Variants in DHX38 observed in about 807,000 individuals in gnomAD.
The protein encoded by DHX38 is DEAH-box helicase 38, also known as pre-mRNA-splicing factor ATP-dependent RNA helicase PRP16.
DHX38 carries 100 observed loss-of-function variants against 153.1 expected under a neutral mutation model. The ratio of observed to expected loss-of-function variants is 0.65; its 90% CI spans 0.56 to 0.77. DHX38 has a LOEUF of 0.77. Ranked by LOEUF, DHX38 falls within the 30% of genes least tolerant of loss-of-function variation. The pLI, the probability that DHX38 is intolerant of heterozygous loss-of-function variation, is 0.00. For synonymous variants in DHX38, 650 were observed against 631.7 expected, an observed-to-expected ratio of 1.03 and a Z score of -0.43; for missense variants, 1,440 against 1,654.0, an observed-to-expected ratio of 0.87 and a Z score of 2.24.
rs2042155620 is a variant in DHX38 at position 72,105,094 on chromosome 16, CT to C, written c.2220del (p.Gly741GlufsTer15). On this transcript the variant is annotated frameshift_variant, in exon 16 of 27. Coordinates refer to ENST00000268482, the MANE Select transcript of DHX38 (RefSeq NM_014003.4). LOFTEE classifies it high-confidence loss of function. ...TTGCAGGTGCACCTGTCGGGGGCCC[CT>C]GGAGACATCCTTATCTTCATGCCTG... Reference protein sequence around the residue: ...QSLQVHLSGAPGDILIFMPGQ... With the variant: ...QSLQVHLSGAXGDILIFMPGQ... 3 of 1,614,214 alleles carry C rather than the reference CT, an allele frequency of 1.9e-6. No individual in the cohort carries two copies. In the East Asian group the frequency reaches 6.7e-5, roughly 36 times the overall value.
chr16:72,110,861 C>A (rs938970585), intron 25 of DHX38, 95 bp from the exon 26 acceptor site: 3 of 1,466,250 alleles, frequency 2.0e-6, no homozygotes, highest in Non-Finnish European at 2.7e-6. Context: ...CTGGTGGATG[C>A]AGCACCTGGT....
In DHX38 at chr16:72,103,766, TG is replaced by T; in HGVS notation, c.1808del (p.Gly603GlufsTer22). ...GTGGCCAAGAGAGTCAGTGAAGAGATGGGGGGAAACCTTGGCGAGGAGGTGA... is the reference window on the plus strand; with the variant it reads ...GTGGCCAAGAGAGTCAGTGAAGAGATGGGGGAAACCTTGGCGAGGAGGTGA... Reference protein sequence around the residue: ...MSVAKRVSEEMGGNLGEEVGY... With the variant: ...MSVAKRVSEEXGGNLGEEVGY... On this transcript the variant is annotated frameshift_variant, in exon 13 of 27. Coordinates refer to ENST00000268482, the MANE Select transcript of DHX38 (RefSeq NM_014003.4). LOFTEE classifies it high-confidence loss of function. 3.7e-6 allele frequency: 6 copies of T among 1,612,376 alleles called. No individual in the cohort carries two copies. Among genetic ancestry groups the T allele is most frequent in the South Asian group, 1.1e-5 (1 of 91,046 alleles).
intron 11 of DHX38, among the ~76,000 whole-genome samples, chr16:72,102,235 A>G (rs2042111277): frequency 6.6e-6 from 1 of 152,204 alleles, no homozygotes; most frequent in Non-Finnish European, 1.5e-5. Flanking sequence ...TCCTGTGTGA[A>G]ATGTCCATAC....
In DHX38 at chr16:72,107,875, T is replaced by G; in HGVS notation, c.2964+76T>G. ...GGGAGGGGAATGGCTTCTCTCTGTA[T>G]TACTGAAATGGAACAGAGGGCAGAA... On this transcript the variant is annotated intron_variant, in intron 21 of 26. Transcript: ENST00000268482. The surrounding 1 kb of genome is among the most constrained non-coding windows in gnomAD (Gnocchi z 5.3). 6.5e-7 allele frequency: 1 copy of G among 1,541,020 alleles called. No homozygotes were observed. Among genetic ancestry groups the G allele is most frequent in the Non-Finnish European group, 8.8e-7 (1 of 1,138,498 alleles).
intron 1 of DHX38, 46 bp from the exon 2 acceptor site, chr16:72,096,093 T>A: frequency 6.5e-7 from 1 of 1,529,970 alleles, no homozygotes; most frequent in Non-Finnish European, 8.8e-7. Flanking sequence ...TGGGATATAG[T>A]AGAGCTGAGC....
Position 72,104,884 on chromosome 16 carries a change from C to A in DHX38, c.2152-143C>A. The A allele has an allele frequency of 1.2e-6, 1 of 868,402 alleles. No individual in the cohort carries two copies. The highest frequency in any genetic ancestry group is 1.7e-6 in the Non-Finnish European group (1 of 573,466). The allele number at this position is 868,402 out of a possible 1,614,324, so 53.8% of individuals were successfully genotyped here. A position where few individuals can be genotyped will look rare whatever the true frequency, so the allele number is the denominator to read the frequency against. The stretch of plus-strand genomic sequence containing the variant: ...ACTGTGCCCTCTTGTAGAGGCCTCG[C>A]AGTCAGGCCCATGTGGAGGTGTGGT... On this transcript the variant is annotated intron_variant, in intron 15 of 26. Coordinates refer to ENST00000268482, the MANE Select transcript of DHX38 (RefSeq NM_014003.4). This position sits in a 1 kb window ranked among gnomAD's most constrained non-coding sequence, Gnocchi z 4.5.
rs770672500 is a variant in DHX38, at chr16:72,104,989, A to T, written c.2152-38A>T. The stretch of plus-strand genomic sequence containing the variant: ...CAGGAGATGCCCGGCCTGCGCTTCT[A>T]GTACCTCCCTCTGACTGTGTCCCCA... On this transcript the variant is annotated intron_variant, in intron 15 of 26. Transcript: ENST00000268482. This position sits in a 1 kb window ranked among gnomAD's most constrained non-coding sequence, Gnocchi z 4.5. 15 of 1,598,494 alleles carry T rather than the reference A, an allele frequency of 9.4e-6. No homozygotes were observed. The Admixed American group carries it at 2.5e-4, about 27-fold the overall frequency.
At chr16:72,095,896 T>G (rs766406091) in intron 1 of DHX38, among the ~76,000 whole-genome samples, 145 of 124,530 alleles carry the variant, frequency 1.2e-3, no homozygotes, top group African/African-American at 1.4e-3. Context: ...ATGTATGGGG[T>G]GTGTGTGTGT....
At chr16:72,112,163 C>T in intron 26 of DHX38, 1 of 560,562 alleles carries the variant, frequency 1.8e-6, no homozygotes, top group South Asian at 2.2e-5. Flanking sequence ...TTGTAGCTCC[C>T]CTAGGGACTG....
Position 72,098,682 on chromosome 16 carries a change from G to A in DHX38, c.654G>A (p.Glu218=). 1.2e-6 allele frequency: 2 copies of A among 1,614,182 alleles called. No homozygotes were observed. The highest frequency in any genetic ancestry group is 8.5e-7 in the Non-Finnish European group (1 of 1,180,036). Reference sequence around the variant, plus strand: ...CTTCAAGGTCTACCTGGGAGGAAGAGGACAGTGGCTATGGCTCCTCAAGGC... The same window carrying A: ...CTTCAAGGTCTACCTGGGAGGAAGAAGACAGTGGCTATGGCTCCTCAAGGC... ...ATPSRSTWEE[E]DSGYGSSRRS... The change falls in exon 5 of 27, where the codon GAG becomes GAA. Residue 218 remains glutamate, a synonymous_variant. Transcript: ENST00000268482.
At chr16:72,099,379 G>A (rs1165652708) in intron 7 of DHX38, 99 bp downstream of exon 7, 5 of 1,116,560 alleles carry the variant, frequency 4.5e-6, no homozygotes, top group Non-Finnish European at 6.3e-6. Context: ...GTACACCTGA[G>A]CCCTGTTCAG....
rs900703623 is a variant in DHX38 at position 72,105,277 on chromosome 16, G to A, written c.2308G>A (p.Ala770Thr). The A allele has an allele frequency of 1.9e-6, 3 of 1,614,182 alleles. No homozygotes were observed. Among genetic ancestry groups the A allele is most frequent in the South Asian group, 1.1e-5 (1 of 91,090 alleles). Reference protein sequence around the residue: ...IVEHLEELENAPALAVLPIYS... With the variant: ...IVEHLEELENTPALAVLPIYS... ...GGAGCATCTGGAGGAACTGGAGAAC[G>A]CGCCTGCCCTGGCTGTGCTGCCCAT... The change falls in exon 17 of 27, where the codon GCG becomes ACG. Residue 770 changes from alanine to threonine, a missense_variant. This residue lies in a region of DHX38 where 543 missense variants were observed against 717.9 expected (regional missense o/e 0.76). Coordinates refer to ENST00000268482, the MANE Select transcript of DHX38 (RefSeq NM_014003.4).
rs2144138705 is a variant in DHX38, at chr16:72,099,061, C to T, written c.883+16C>T. On this transcript the variant is annotated intron_variant, in intron 6 of 26. Coordinates refer to ENST00000268482, the MANE Select transcript of DHX38 (RefSeq NM_014003.4). ...AGGGGCCGAGGTGAGGCCTGTGGGG[C>T]AGCAGGCAGAAGAGCAGGCTTGCTT... 1 of 1,611,948 alleles carries T rather than the reference C, an allele frequency of 6.2e-7. No homozygotes were observed. The highest frequency in any genetic ancestry group is 2.2e-5 in the East Asian group (1 of 44,864).
At chr16:72,099,983 G>T (rs1234281948) in intron 8 of DHX38, 96 bp downstream of exon 8, 4 of 1,475,448 alleles carry the variant, frequency 2.7e-6, no homozygotes, top group Non-Finnish European at 3.6e-6. Context: ...AGCACAGCTT[G>T]TCCCCTGATT....
Position 72,093,875 on chromosome 16 carries a change from A to T in DHX38, c.-196A>T, listed in dbSNP as rs2041963358. 6.6e-6 allele frequency: 1 copy of T among 152,298 alleles called. No homozygotes were observed. Among genetic ancestry groups the T allele is most frequent in the Admixed American group, 6.5e-5 (1 of 15,282 alleles). 9.4% of individuals were successfully genotyped at this position (152,298 alleles called of 1,614,324 possible). A position where few individuals can be genotyped will look rare whatever the true frequency, so the allele number is the denominator to read the frequency against. On this transcript the variant is annotated 5_prime_UTR_variant, in exon 1 of 27. Transcript: ENST00000268482. ...TGGATCCAGGAATCGGGCGTGTTCC[A>T]GGCTGCTCTCTATGGTAGCTTTGGG...
Position 72,107,212 on chromosome 16 carries a change from T to A in DHX38, c.2601-128T>A, listed in dbSNP as rs1039519938. 4 of 952,106 alleles carry A rather than the reference T, an allele frequency of 4.2e-6. No individual in the cohort carries two copies. In the Admixed American group the frequency reaches 1.0e-4, roughly 24 times the overall value. 59.0% of individuals were successfully genotyped at this position (952,106 alleles called of 1,614,324 possible). A position where few individuals can be genotyped will look rare whatever the true frequency, so the allele number is the denominator to read the frequency against. On this transcript the variant is annotated intron_variant, in intron 19 of 26. Coordinates refer to ENST00000268482, the MANE Select transcript of DHX38 (RefSeq NM_014003.4). This position sits in a 1 kb window ranked among gnomAD's most constrained non-coding sequence, Gnocchi z 5.3. ...GATTGGAGTTTTGAATAGGTGGAAG[T>A]CAGTGATTCACTGAAGTAGTGGGTG...
At chr16:72,094,580 A>T (rs2041980215) in intron 1 of DHX38, 1 of 152,156 alleles carries the variant, frequency 6.6e-6, no homozygotes, top group African/African-American at 2.4e-5. Flanking sequence ...GCTTTCTCGT[A>T]CGCCTTGTAG....
At chr16:72,105,452 C>G in intron 17 of DHX38, 65 bp from the exon 18 acceptor site, 4 of 1,603,790 alleles carry the variant, frequency 2.5e-6, no homozygotes, top group Non-Finnish European at 3.4e-6. Flanking sequence ...GTAGGCTTTT[C>G]CCCCTCGCGG....
chr16:72,096,532 A>T (rs1222992553), intron 2 of DHX38, 52 bp downstream of exon 2: 2 of 1,516,312 alleles, frequency 1.3e-6, no homozygotes, highest in African/African-American at 1.4e-5. Context: ...GAGGCTGGAA[A>T]ATAACAGCTC....
Sources: gnomAD v4.1 joint callset for allele counts (sites outside exome capture counted in the v4.1 genomes callset) on GRCh38, gnomAD v4.1.1 for gene constraint, gnomAD v4.1.1 regional missense constraint, Gnocchi (gnomAD v3.1) non-coding constraint, MANE v1.5 for transcripts, NCBI Gene and HGNC (gene_info 2026-07-23, HGNC 2026-07-21) for gene names.